MEGF10: variants seen among roughly 807,000 people sequenced by gnomAD.
MEGF10 encodes multiple epidermal growth factor-like domains protein 10.
A neutral mutation model predicts 147.5 loss-of-function variants in MEGF10; 86 were observed. That is an observed-to-expected ratio of 0.58 (90% CI 0.49 to 0.70). MEGF10 has a LOEUF of 0.70. MEGF10 is among the 30% of genes least tolerant of loss of function. The pLI is 0.00. For missense variants in MEGF10, 1,329 were observed against 1,487.3 expected, an observed-to-expected ratio of 0.89 and a Z score of 1.75; for synonymous variants, 478 against 525.5, an observed-to-expected ratio of 0.91 and a Z score of 1.24.
chr5:127,300,999 CAGA>C (rs1264893307), intron 1 of MEGF10, among the ~76,000 whole-genome samples: 1 of 152,206 alleles, frequency 6.6e-6, no homozygotes, highest in South Asian at 2.1e-4. Context: ...CAGGAGAAAT[CAGA>C]AGAAGACTCT....
chr5:127,308,230 A>T (rs1311641403), intron 1 of MEGF10, among the ~76,000 whole-genome samples: 2 of 152,208 alleles, frequency 1.3e-5, no homozygotes, highest in African/African-American at 4.8e-5. Context: ...AATCAAAGTG[A>T]CTTTGTTATG....
At chr5:127,308,514 C>T (rs1760114448) in intron 1 of MEGF10, among the ~76,000 whole-genome samples, 1 of 152,082 alleles carries the variant, frequency 6.6e-6, no homozygotes, top group Non-Finnish European at 1.5e-5. Context: ...ACATATACAC[C>T]ATGGAATACT....
At chr5:127,399,901 G>A (rs1295563969) in intron 7 of MEGF10, among the ~76,000 whole-genome samples, 1 of 152,126 alleles carries the variant, frequency 6.6e-6, no homozygotes, top group Non-Finnish European at 1.5e-5. Flanking sequence ...GTACTTGATG[G>A]TTTTTCCAGA....
upstream of MEGF10, among the ~76,000 whole-genome samples, chr5:127,287,921 A>G (rs1759078912): frequency 6.6e-6 from 1 of 152,076 alleles, no homozygotes. Flanking sequence ...GAAAGGAATA[A>G]TGAGTGAATC....
At chr5:127,404,216 A>G (rs755949906) in intron 8 of MEGF10, among the ~76,000 whole-genome samples, 2 of 151,780 alleles carry the variant, frequency 1.3e-5, no homozygotes, top group Non-Finnish European at 2.9e-5. Context: ...CTGATGATCA[A>G]TTGTGTTGAG....
intron 2 of MEGF10, among the ~76,000 whole-genome samples, chr5:127,335,414 G>A (rs894485236): frequency 3.3e-5 from 5 of 152,172 alleles, no homozygotes; most frequent in Admixed American, 2.6e-4. Context: ...TGTTAGCAGA[G>A]GAACTAATTA....
intron 8 of MEGF10, chr5:127,409,660 C>A (rs1207598540): frequency 2.0e-5 from 3 of 152,510 alleles, no homozygotes; most frequent in African/African-American, 4.8e-5. Context: ...GAGGGCTGAT[C>A]TTTACTCCTT....
At chr5:127,427,077 A>G (rs1210200155) in intron 13 of MEGF10, among the ~76,000 whole-genome samples, 1 of 152,240 alleles carries the variant, frequency 6.6e-6, no homozygotes, top group Non-Finnish European at 1.5e-5. Flanking sequence ...ACTCCTTGGC[A>G]CATGAAGTGC....
chr5:127,255,857 A>G, the MEGF10 span, among the ~76,000 whole-genome samples: 1 of 152,060 alleles, frequency 6.6e-6, no homozygotes, highest in Admixed American at 6.6e-5. Flanking sequence ...TGGAGCTCCC[A>G]TTTGTTGGAT....
chr5:127,272,893 C>T, the MEGF10 span, among the ~76,000 whole-genome samples: 1 of 152,170 alleles, frequency 6.6e-6, no homozygotes, highest in African/African-American at 2.4e-5. Context: ...GTTTGACTTC[C>T]TCTCTTCTTA....
At chr5:127,437,974 C>T (rs993779455) in intron 16 of MEGF10, among the ~76,000 whole-genome samples, 1 of 152,142 alleles carries the variant, frequency 6.6e-6, no homozygotes, top group African/African-American at 2.4e-5. Flanking sequence ...TCTTCCTTAT[C>T]CTCCTTATGT....
chr5:127,240,939 G>A, the MEGF10 span, among the ~76,000 whole-genome samples: 6 of 152,176 alleles, frequency 3.9e-5, no homozygotes, highest in African/African-American at 1.4e-4. Context: ...TTGGGCAGAT[G>A]TCTTCTGCTT....
intron 5 of MEGF10, among the ~76,000 whole-genome samples, chr5:127,391,428 T>A (rs909417477): frequency 1.3e-5 from 2 of 151,438 alleles, no homozygotes; most frequent in African/African-American, 4.9e-5. Context: ...ATACAAAAAA[T>A]TAGCCAGTCA....
intron 1 of MEGF10, among the ~76,000 whole-genome samples, chr5:127,314,197 T>C (rs1031878224): frequency 4.6e-5 from 7 of 152,222 alleles, no homozygotes; most frequent in African/African-American, 1.7e-4. Context: ...ACTCACAGGA[T>C]ATGATCTCTT....
chr5:127,415,856 C>T (rs1764744252), intron 9 of MEGF10, among the ~76,000 whole-genome samples: 1 of 142,328 alleles, frequency 7.0e-6, no homozygotes, highest in Admixed American at 7.1e-5. Flanking sequence ...GAGATCGTGC[C>T]ACTGCACTCC....
the MEGF10 span, among the ~76,000 whole-genome samples, chr5:127,276,096 A>G: frequency 1.3e-5 from 2 of 152,226 alleles, no homozygotes; most frequent in African/African-American, 4.8e-5. Flanking sequence ...CCATATAAAC[A>G]TAACTATCTT....
the MEGF10 span, among the ~76,000 whole-genome samples, chr5:127,241,341 T>C: frequency 4.6e-5 from 7 of 152,210 alleles, no homozygotes; most frequent in Non-Finnish European, 1.0e-4. Context: ...TGGCTTGCTT[T>C]GCCCTTTGCT....
At chr5:127,430,222 G>T (rs1210194519) in intron 13 of MEGF10, among the ~76,000 whole-genome samples, 1 of 152,130 alleles carries the variant, frequency 6.6e-6, no homozygotes, top group African/African-American at 2.4e-5. Context: ...CCAGTAGCTG[G>T]CCAGATCCCT....
At chr5:127,298,299 T>C (rs1759600993) in intron 1 of MEGF10, among the ~76,000 whole-genome samples, 1 of 152,194 alleles carries the variant, frequency 6.6e-6, no homozygotes, top group Non-Finnish European at 1.5e-5. Context: ...TATTATCATC[T>C]GAAGCCCTCA....
Sources: gnomAD v4.1 joint callset for allele counts (sites outside exome capture counted in the v4.1 genomes callset) on GRCh38, gnomAD v4.1.1 for gene constraint, MANE v1.5 for transcripts, NCBI Gene and HGNC (gene_info 2026-07-23, HGNC 2026-07-21) for gene names.